The following TMPRSS7 variants were observed in gnomAD, a reference collection of about 807,000 sequenced individuals.
TMPRSS7 encodes the protein transmembrane protease serine 7.
In TMPRSS7, 81 loss-of-function variants were observed where a neutral mutation model predicts 95.6. That is an observed-to-expected ratio of 0.85 (90% CI 0.71 to 1.02). The LOEUF (loss-of-function observed/expected upper bound fraction) is 1.02. Among genes scored for constraint, TMPRSS7 ranks in the 50% least tolerant of loss-of-function variants. TMPRSS7 has a pLI of 0.00. For missense variants in TMPRSS7, 945 were observed against 955.2 expected, an observed-to-expected ratio of 0.99 and a Z score of 0.14; for synonymous variants, 364 against 337.8, an observed-to-expected ratio of 1.08 and a Z score of -0.85.
At chr3:112,073,177 C>T (rs770934309) in intron 13 of TMPRSS7, among the ~76,000 whole-genome samples, 7 of 151,636 alleles carry the variant, frequency 4.6e-5, no homozygotes, top group Non-Finnish European at 1.0e-4. Flanking sequence ...CTGCAACTTC[C>T]ACCTCCCGGG....
chr3:112,045,974 C>A, intron 5 of TMPRSS7, 31 bp downstream of exon 5: 1 of 1,520,392 alleles, frequency 6.6e-7, no homozygotes, highest in South Asian at 1.2e-5. Flanking sequence ...CTTTAGCATT[C>A]CTTCCTGCAG....
intron 10 of TMPRSS7, among the ~76,000 whole-genome samples, chr3:112,060,285 A>G (rs2073484959): frequency 6.6e-6 from 1 of 152,194 alleles, no homozygotes; most frequent in Non-Finnish European, 1.5e-5. Context: ...TCGGGCACAC[A>G]TTGTCATTGA....
intron 13 of TMPRSS7, among the ~76,000 whole-genome samples, chr3:112,068,914 A>T (rs2073609066): frequency 6.6e-6 from 1 of 152,182 alleles, no homozygotes. Flanking sequence ...TTTCAAAGGG[A>T]ATGCTTCCAA....
downstream of TMPRSS7, chr3:112,081,172 C>A: frequency 4.5e-6 from 6 of 1,343,210 alleles, no homozygotes; most frequent in Non-Finnish European, 6.1e-6. Flanking sequence ...CTGGCTCACA[C>A]CTGTAATCCC....
intron 13 of TMPRSS7, among the ~76,000 whole-genome samples, chr3:112,073,870 C>T (rs2073681604): frequency 6.6e-6 from 1 of 152,182 alleles, no homozygotes; most frequent in Non-Finnish European, 1.5e-5. Flanking sequence ...AGGTTGTGAA[C>T]AAATGTGTTG....
At chr3:112,044,459 C>A in intron 4 of TMPRSS7, 137 bp downstream of exon 4, 1 of 711,706 alleles carries the variant, frequency 1.4e-6, no homozygotes, top group Non-Finnish European at 2.4e-6. Flanking sequence ...ATTAGCACAA[C>A]TAGCGACTCA....
intron 14 of TMPRSS7, 92 bp from the exon 15 acceptor site, chr3:112,075,229 T>G: frequency 4.7e-6 from 6 of 1,274,822 alleles, no homozygotes; most frequent in Non-Finnish European, 6.2e-6. Context: ...TGCTACCTAG[T>G]GAGTCAGTTC....
intron 10 of TMPRSS7, among the ~76,000 whole-genome samples, chr3:112,058,766 A>G (rs1346642224): frequency 2.0e-5 from 3 of 152,116 alleles, no homozygotes; most frequent in African/African-American, 7.2e-5. Flanking sequence ...ACGACCCGGG[A>G]TGTGTTTATT....
At chr3:112,061,705 A>T in intron 10 of TMPRSS7, 82 bp from the exon 11 acceptor site, 1 of 1,449,834 alleles carries the variant, frequency 6.9e-7, no homozygotes. Flanking sequence ...AAATGACCAA[A>T]GTATTAGAGA....
chr3:112,070,819 G>A (rs1371036564), intron 13 of TMPRSS7, among the ~76,000 whole-genome samples: 1 of 152,206 alleles, frequency 6.6e-6, no homozygotes, highest in Non-Finnish European at 1.5e-5. Context: ...GGGTGCGTGT[G>A]CACAACGTGC....
chr3:112,046,363 A>T (rs921002498), intron 5 of TMPRSS7, among the ~76,000 whole-genome samples: 24 of 152,194 alleles, frequency 1.6e-4, no homozygotes, highest in Admixed American at 1.6e-3. Flanking sequence ...CATAGCCCCA[A>T]ATGCAAATTT....
At chr3:112,052,100 C>T (rs1027423943) in intron 9 of TMPRSS7, among the ~76,000 whole-genome samples, 1 of 151,002 alleles carries the variant, frequency 6.6e-6, no homozygotes, top group South Asian at 2.1e-4. Flanking sequence ...TAATATGTCT[C>T]GTAATGATAA....
intron 7 of TMPRSS7, 28 bp downstream of exon 7, chr3:112,047,995 G>A (rs775542188): frequency 1.3e-6 from 2 of 1,589,062 alleles, no homozygotes; most frequent in South Asian, 1.1e-5. Context: ...TTCTTGGTGG[G>A]TAAAAATATT....
At chr3:112,061,673 C>A (rs535244607) in intron 10 of TMPRSS7, 114 bp from the exon 11 acceptor site, 11 of 1,138,658 alleles carry the variant, frequency 9.7e-6, no homozygotes, top group Non-Finnish European at 1.4e-5. Context: ...CTCTACCATA[C>A]GCATCTCTGT....
chr3:112,076,254 A>G (rs1576123951), intron 15 of TMPRSS7, among the ~76,000 whole-genome samples: 1 of 152,154 alleles, frequency 6.6e-6, no homozygotes, highest in Non-Finnish European at 1.5e-5. Flanking sequence ...GACGCTTCAC[A>G]TGGAGATTAC....
At chr3:112,038,668 A>G (rs2073175312) in intron 2 of TMPRSS7, among the ~76,000 whole-genome samples, 1 of 152,092 alleles carries the variant, frequency 6.6e-6, no homozygotes, top group Non-Finnish European at 1.5e-5. Context: ...TGTTGTAGAG[A>G]CAGAGTTCTC....
chr3:112,038,783 G>C (rs1411804477), intron 2 of TMPRSS7, among the ~76,000 whole-genome samples: 2 of 151,978 alleles, frequency 1.3e-5, no homozygotes, highest in South Asian at 4.2e-4. Flanking sequence ...TGCCCGGCCT[G>C]GTGTTGATAT....
intron 6 of TMPRSS7, chr3:112,047,537 C>T (rs899599566): frequency 9.5e-5 from 63 of 665,904 alleles, no homozygotes; most frequent in South Asian, 8.2e-4. Flanking sequence ...TTAACCCCAA[C>T]CAAACTATAT....
Position 112,053,073 on chromosome 3 carries a change from TA to T in TMPRSS7, c.1203+2294del, listed in dbSNP as rs2073382308. Among the ~76,000 whole-genome samples, 9 of 152,206 alleles carry T rather than the reference TA, an allele frequency of 5.9e-5. No homozygotes were observed. The South Asian group carries it at 1.7e-3, about 28-fold the overall frequency. On this transcript the variant is annotated intron_variant, in intron 9 of 17. Coordinates refer to ENST00000452346, the Ensembl canonical transcript of TMPRSS7. The stretch of plus-strand genomic sequence containing the variant: ...TGTCCTCCTCAGTGTAGAGGTTAAA[TA>T]AAACTGTTCCTTTTCAGAAAGCTTT...
Sources: allele counts gnomAD v4.1 joint callset (sites outside exome capture counted in the v4.1 genomes callset), GRCh38; gene constraint gnomAD v4.1.1; transcripts MANE v1.5; gene names NCBI Gene and HGNC (gene_info 2026-07-23, HGNC 2026-07-21).